Variants in ADK observed in about 807,000 individuals in gnomAD.
ADK encodes the protein adenosine kinase.
In ADK, 24 loss-of-function variants were observed where a neutral mutation model predicts 44.7. The ratio of observed to expected loss-of-function variants is 0.54; its 90% CI spans 0.39 to 0.76. The LOEUF (loss-of-function observed/expected upper bound fraction) is 0.76. ADK is among the 30% of genes least tolerant of loss of function. ADK has a pLI of 0.00. For missense variants in ADK, 321 were observed against 425.1 expected, an observed-to-expected ratio of 0.76 and a Z score of 2.15; for synonymous variants, 128 against 142.6, an observed-to-expected ratio of 0.90 and a Z score of 0.73.
At chr10:74,589,582 G>A (rs1248556476) in intron 8 of ADK, among the ~76,000 whole-genome samples, 2 of 152,138 alleles carry the variant, frequency 1.3e-5, no homozygotes, top group South Asian at 2.1e-4. Flanking sequence ...GGTTGGGCAC[G>A]GTTTCAAGCT....
chr10:74,637,063 A>C (rs954849877), intron 9 of ADK, among the ~76,000 whole-genome samples: 10 of 152,222 alleles, frequency 6.6e-5, no homozygotes, highest in African/African-American at 2.4e-4. Context: ...GATGACCTTA[A>C]TATTTTGAAT....
At chr10:74,559,441 G>C (rs780333592) in intron 7 of ADK, among the ~76,000 whole-genome samples, 71 of 152,236 alleles carry the variant, frequency 4.7e-4, no homozygotes, top group Non-Finnish European at 6.6e-4. Context: ...ATACATCATT[G>C]TTTATTCTTC....
At chr10:74,191,419 A>G (rs1037730049) in intron 1 of ADK, among the ~76,000 whole-genome samples, 3 of 151,630 alleles carry the variant, frequency 2.0e-5, no homozygotes, top group African/African-American at 7.3e-5. Flanking sequence ...AAATATAAAG[A>G]CAGGGTCTCA....
At chr10:74,457,434 G>A (rs1845995313) in intron 6 of ADK, among the ~76,000 whole-genome samples, 1 of 152,200 alleles carries the variant, frequency 6.6e-6, no homozygotes, top group Non-Finnish European at 1.5e-5. Flanking sequence ...GTGTAAATTA[G>A]TTCAATCATT....
intron 4 of ADK, among the ~76,000 whole-genome samples, chr10:74,390,819 T>C (rs1156494230): frequency 1.3e-5 from 2 of 152,194 alleles, no homozygotes; most frequent in African/African-American, 4.8e-5. Flanking sequence ...GTGGACTTAA[T>C]CTCATGATTT....
intron 2 of ADK, among the ~76,000 whole-genome samples, chr10:74,216,736 TA>T (rs1398739463): frequency 2.0e-5 from 2 of 100,780 alleles, no homozygotes; most frequent in Admixed American, 9.1e-5. Context: ...AAAAAAAAAA[TA>T]AAAAAAAAAA....
At chr10:74,612,127 A>T (rs537317046) in intron 9 of ADK, among the ~76,000 whole-genome samples, 26 of 152,212 alleles carry the variant, frequency 1.7e-4, no homozygotes, top group African/African-American at 6.0e-4. Flanking sequence ...ATCCTCGCCA[A>T]TGTGTAATTT....
intron 6 of ADK, among the ~76,000 whole-genome samples, chr10:74,483,207 A>G (rs1847136301): frequency 6.6e-6 from 1 of 152,210 alleles, no homozygotes; most frequent in African/African-American, 2.4e-5. Flanking sequence ...TGCCCTCTGC[A>G]TACCCACAGG....
At chr10:74,300,094 G>A (rs1010349067) in intron 3 of ADK, among the ~76,000 whole-genome samples, 1 of 150,448 alleles carries the variant, frequency 6.6e-6, no homozygotes, top group African/African-American at 2.4e-5. Flanking sequence ...ATGTTCTCCA[G>A]GTTGGTCTTG....
At chr10:74,526,419 T>C (rs918185878) in intron 7 of ADK, among the ~76,000 whole-genome samples, 3 of 152,234 alleles carry the variant, frequency 2.0e-5, no homozygotes, top group African/African-American at 7.2e-5. Context: ...GAAAAAATCC[T>C]TCAGTGTGTC....
intron 4 of ADK, among the ~76,000 whole-genome samples, chr10:74,374,074 A>T (rs2131983561): frequency 6.6e-6 from 1 of 152,314 alleles, no homozygotes; most frequent in Middle Eastern, 3.4e-3. Context: ...AAGTGGCCTG[A>T]ACATGCATAT....
At chr10:74,591,773 A>T (rs910876963) in intron 8 of ADK, among the ~76,000 whole-genome samples, 1 of 152,160 alleles carries the variant, frequency 6.6e-6, no homozygotes, top group Non-Finnish European at 1.5e-5. Flanking sequence ...GAATGAGAAG[A>T]AAGAAGTGAA....
intron 9 of ADK, among the ~76,000 whole-genome samples, chr10:74,648,609 C>T (rs1272064528): frequency 2.7e-5 from 4 of 148,236 alleles, no homozygotes; most frequent in African/African-American, 5.0e-5. Context: ...ACCTGGGAGG[C>T]GGAGGTTGCA....
chr10:74,580,638 T>TA (rs1185612255), intron 7 of ADK, among the ~76,000 whole-genome samples: 3 of 151,716 alleles, frequency 2.0e-5, no homozygotes, highest in African/African-American at 7.3e-5. Context: ...GTCATCCATG[T>TA]AAGATGTGAC....
chr10:74,569,098 A>T (rs1850822349), intron 7 of ADK, among the ~76,000 whole-genome samples: 1 of 152,184 alleles, frequency 6.6e-6, no homozygotes, highest in African/African-American at 2.4e-5. Context: ...CCTACAAAAG[A>T]CATGAACTCA....
chr10:74,690,363 G>A (rs1010458739), intron 10 of ADK, among the ~76,000 whole-genome samples: 2 of 152,288 alleles, frequency 1.3e-5, no homozygotes, highest in Admixed American at 6.5e-5. Context: ...AGGCATGGTG[G>A]CACACACCTG....
intron 10 of ADK, among the ~76,000 whole-genome samples, chr10:74,685,676 T>TGTG (rs1400003257): frequency 1.3e-5 from 2 of 152,234 alleles, no homozygotes; most frequent in African/African-American, 4.8e-5. Flanking sequence ...TATGATTATA[T>TGTG]CATTTTTATG....
intron 3 of ADK, among the ~76,000 whole-genome samples, chr10:74,313,333 G>T (rs939235335): frequency 1.3e-5 from 2 of 151,578 alleles, no homozygotes; most frequent in African/African-American, 4.8e-5. Flanking sequence ...TTTTTTTTGG[G>T]GGGGAGAGGT....
rs115975342 is a variant in ADK, at chr10:74,655,673, C to T, written c.878-14510C>T. On this transcript the variant is annotated intron_variant, in intron 9 of 10. Coordinates refer to ENST00000539909, the MANE Select transcript of ADK (RefSeq NM_006721.4). The stretch of plus-strand genomic sequence containing the variant: ...AGCAGCCAGGAAGACCCCCGGGCCT[C>T]CCGAAGGACATATCCGTGGCAGAGC... 2,215 of 466,542 alleles carry T rather than the reference C, an allele frequency of 4.7e-3. 49 individuals are homozygous for T. The highest frequency in any genetic ancestry group is 0.037 in the African/African-American group (1,840 of 50,136). The allele number at this position is 466,542 out of a possible 1,614,324, so 28.9% of individuals were successfully genotyped here. A position where few individuals can be genotyped will look rare whatever the true frequency, so the allele number is the denominator to read the frequency against.
Sources: gnomAD v4.1 joint callset for allele counts (sites outside exome capture counted in the v4.1 genomes callset) on GRCh38, gnomAD v4.1.1 for gene constraint, MANE v1.5 for transcripts, NCBI Gene and HGNC (gene_info 2026-07-23, HGNC 2026-07-21) for gene names.